Variants in CXADR observed in about 807,000 individuals in gnomAD.
CXADR encodes CXADR cell adhesion molecule.
In CXADR, 20 loss-of-function variants were observed where a neutral mutation model predicts 40.3. The observed-to-expected ratio is 0.50, with a 90% CI of 0.35 to 0.72. CXADR has a LOEUF of 0.72. Among genes scored for constraint, CXADR ranks in the 30% least tolerant of loss-of-function variants. The pLI, the probability that CXADR is intolerant of heterozygous loss-of-function variation, is 0.01. For synonymous variants in CXADR, 150 were observed against 161.3 expected (o/e 0.93, Z 0.53); for missense variants, 332 against 449.1 (o/e 0.74, Z 2.36).
chr21:17,608,854 G>A, the CXADR span: 1 of 990,544 alleles, frequency 1.0e-6, no homozygotes, highest in Non-Finnish European at 1.5e-6. Context: ...ACACCCCAGA[G>A]TTCTATATTT....
the CXADR span, chr21:17,611,746 T>A: frequency 6.6e-6 from 1 of 152,382 alleles, no homozygotes; most frequent in Middle Eastern, 3.4e-3. Context: ...CAAGTTCTAC[T>A]TTGTTCCACA....
chr21:17,612,815 C>G, the CXADR span: 1 of 152,200 alleles, frequency 6.6e-6, no homozygotes, highest in African/African-American at 2.4e-5. Context: ...GCGCAGCGAG[C>G]CTCGTCCGGC....
At chr21:17,579,417 T>C (rs1601054026) in intron 7 of CXADR, among the ~76,000 whole-genome samples, 1 of 152,060 alleles carries the variant, frequency 6.6e-6, no homozygotes, top group East Asian at 1.9e-4. Flanking sequence ...CCCGAGTAGC[T>C]GGGACTACAG....
chr21:17,518,920 T>A, intron 1 of CXADR: 2 of 1,593,908 alleles, frequency 1.3e-6, no homozygotes, highest in Admixed American at 3.3e-5. Context: ...ATGTACCACC[T>A]TCTTTCTGCG....
At chr21:17,621,422 T>G in the CXADR span, among the ~76,000 whole-genome samples, 1 of 152,130 alleles carries the variant, frequency 6.6e-6, no homozygotes, top group African/African-American at 2.4e-5. Context: ...TGTCAAATAT[T>G]TGTGCTAGAG....
chr21:17,611,422 G>A, the CXADR span, among the ~76,000 whole-genome samples: 28 of 152,100 alleles, frequency 1.8e-4, no homozygotes, highest in Admixed American at 1.8e-3. Context: ...AAGAAGGAAA[G>A]AACCACTTAG....
At chr21:17,564,714 T>A (rs568927105) in intron 6 of CXADR, among the ~76,000 whole-genome samples, 30 of 152,196 alleles carry the variant, frequency 2.0e-4, no homozygotes, top group East Asian at 3.9e-4. Flanking sequence ...TTTCCTTTTT[T>A]AAAAAATTTT....
At chr21:17,600,557 A>G in the CXADR span, among the ~76,000 whole-genome samples, 3 of 152,188 alleles carry the variant, frequency 2.0e-5, no homozygotes, top group Admixed American at 1.3e-4. Context: ...GCAGTGGCTT[A>G]CACCTGTAAT....
intron 7 of CXADR, among the ~76,000 whole-genome samples, chr21:17,580,193 A>G (rs1332254451): frequency 6.6e-6 from 1 of 152,246 alleles, no homozygotes; most frequent in Non-Finnish European, 1.5e-5. Context: ...TTATTAATTT[A>G]TTAAACAGCC....
At chr21:17,594,419 A>T (rs1401876191), downstream of CXADR, 2 of 1,438,622 alleles carry the variant, frequency 1.4e-6, no homozygotes, top group Admixed American at 2.1e-5. Context: ...AAACAAAGTT[A>T]CCCACAACAC....
chr21:17,628,580 A>C, the CXADR span, among the ~76,000 whole-genome samples: 1 of 151,868 alleles, frequency 6.6e-6, no homozygotes, highest in African/African-American at 2.4e-5. Flanking sequence ...GGCTCACTGC[A>C]ACCTCTGCCT....
intron 1 of CXADR, among the ~76,000 whole-genome samples, chr21:17,517,964 G>A (rs1427852003): frequency 6.6e-6 from 1 of 152,094 alleles, no homozygotes; most frequent in African/African-American, 2.4e-5. Flanking sequence ...GAAGCCAGTG[G>A]CAAAATACCT....
intron 1 of CXADR, among the ~76,000 whole-genome samples, chr21:17,523,397 A>G (rs1394987618): frequency 1.3e-5 from 2 of 152,194 alleles, no homozygotes; most frequent in Non-Finnish European, 2.9e-5. Context: ...AGAGGTGAGC[A>G]GGGCTGGGCT....
chr21:17,559,668 G>GTTTTTTTTTTTTTTTT lies in CXADR; in HGVS notation c.571+537_571+538insTTTTTTTTTTTTTTTT, dbSNP rs1491548660. Among the ~76,000 whole-genome samples the GTTTTTTTTTTTTTTTT allele has an allele frequency of 1.9e-5, 2 of 106,208 alleles. 1 individual carries two copies. 69.7% of individuals were successfully genotyped at this position (106,208 alleles called of 152,430 possible). A position where few individuals can be genotyped will look rare whatever the true frequency, so the allele number is the denominator to read the frequency against. On this transcript the variant is annotated intron_variant, in intron 4 of 6. Transcript: ENST00000284878. Reference sequence around the variant, plus strand: ...TTAGTTACTTTGGTACTTTTTTTTGGGTTTTTTTTTTTTTTTTTTTTTTCC... The same window carrying GTTTTTTTTTTTTTTTT: ...TTAGTTACTTTGGTACTTTTTTTTGGTTTTTTTTTTTTTTTTGTTTTTTTTTTTTTTTTTTTTTTCC...
chr21:17,633,645 C>T, the CXADR span, among the ~76,000 whole-genome samples: 7 of 152,294 alleles, frequency 4.6e-5, no homozygotes, highest in South Asian at 2.1e-4. Flanking sequence ...ACTTTATCTG[C>T]GTAATTAGAC....
At chr21:17,531,129 C>T (rs2060669478) in intron 1 of CXADR, among the ~76,000 whole-genome samples, 1 of 151,944 alleles carries the variant, frequency 6.6e-6, no homozygotes, top group Non-Finnish European at 1.5e-5. Flanking sequence ...GAAACCCCAT[C>T]TTTACTAAAA....
intron 1 of CXADR, among the ~76,000 whole-genome samples, chr21:17,516,223 G>A (rs116209591): frequency 0.018 from 2,740 of 152,212 alleles, 88 homozygotes; most frequent in African/African-American, 0.063. Context: ...GCACAGAGTC[G>A]TTATATAATT....
chr21:17,630,647 C>CTTTTTT, the CXADR span, among the ~76,000 whole-genome samples: 2 of 30,282 alleles, frequency 6.6e-5, no homozygotes, highest in East Asian at 2.0e-3. Flanking sequence ...CTTCTTCCTT[C>CTTTTTT]TTCTTTTTTT....
downstream of CXADR, among the ~76,000 whole-genome samples, chr21:17,596,978 T>C (rs1410503181): frequency 6.6e-6 from 1 of 152,094 alleles, no homozygotes; most frequent in East Asian, 1.9e-4. Flanking sequence ...TTAAAGCTTG[T>C]GGCAATGCCA....
Sources: allele counts gnomAD v4.1 joint callset (sites outside exome capture counted in the v4.1 genomes callset), GRCh38; gene constraint gnomAD v4.1.1; transcripts MANE v1.5; gene names NCBI Gene and HGNC (gene_info 2026-07-23, HGNC 2026-07-21).